The following EYS variants were observed in gnomAD, a reference collection of about 807,000 sequenced individuals.
The protein encoded by EYS is protein eyes shut homolog.
In EYS, 250 loss-of-function variants were observed where a neutral mutation model predicts 282.1. The ratio of observed to expected loss-of-function variants is 0.89; its 90% CI spans 0.80 to 0.98. EYS has a LOEUF of 0.98. Among genes scored for constraint, EYS ranks in the 50% least tolerant of loss-of-function variants. The pLI is 0.00. For missense variants in EYS, 4,016 were observed against 3,709.0 expected (o/e 1.08, Z -2.15); for synonymous variants, 1,355 against 1,282.9 (o/e 1.06, Z -1.20).
At position 63,975,563 on chromosome 6, in the gene EYS, G is replaced by A. The variant is rs114191081; in HGVS notation, c.7055+8820C>T. On this transcript the variant is annotated intron_variant, in intron 35 of 42. Transcript: ENST00000503581. ...CTTTTCTTCTTTTCTAATAGCATGT[G>A]TATATTTGCATAAGTACTTTTTTGC... 2.7e-3 allele frequency among the ~76,000 whole-genome samples: 416 copies of A among 152,104 alleles called. 2 individuals are homozygous for A. The highest frequency in any genetic ancestry group is 9.5e-3 in the African/African-American group (393 of 41,556).
intron 12 of EYS, among the ~76,000 whole-genome samples, chr6:65,137,292 T>C (rs183103334): frequency 2.0e-4 from 30 of 152,170 alleles, no homozygotes; most frequent in African/African-American, 6.7e-4. Flanking sequence ...ATTAGCAGGA[T>C]CAGAGAAGAA....
chr6:65,684,659 T>C (rs771451563), intron 1 of EYS, among the ~76,000 whole-genome samples: 1 of 151,956 alleles, frequency 6.6e-6, no homozygotes, highest in African/African-American at 2.4e-5. Context: ...CATGGTAAGG[T>C]GAGGAGAGAA....
intron 36 of EYS, among the ~76,000 whole-genome samples, chr6:63,809,694 A>T (rs937127219): frequency 5.3e-5 from 8 of 152,190 alleles, no homozygotes; most frequent in Non-Finnish European, 1.2e-4. Flanking sequence ...TCGGGGCATT[A>T]AAAATTCTAA....
intron 30 of EYS, among the ~76,000 whole-genome samples, chr6:64,306,534 G>A (rs1029504817): frequency 6.6e-5 from 10 of 152,158 alleles, no homozygotes; most frequent in Non-Finnish European, 1.3e-4. Context: ...TCTGTATCCA[G>A]AAGCAGAGTC....
At chr6:65,166,172 A>G (rs559008569) in intron 12 of EYS, among the ~76,000 whole-genome samples, 22 of 151,222 alleles carry the variant, frequency 1.5e-4, no homozygotes, top group Middle Eastern at 3.4e-3. Context: ...AAATTATTCT[A>G]TAGTCTCAAA....
chr6:64,592,155 T>C (rs549435712), intron 25 of EYS, among the ~76,000 whole-genome samples, 166 bp from the exon 26 acceptor site: 13 of 152,302 alleles, frequency 8.5e-5, no homozygotes, highest in African/African-American at 3.1e-4. Flanking sequence ...ATGAGGAGTT[T>C]AATGATTTCA....
chr6:64,542,021 T>C (rs1399183749), intron 26 of EYS, among the ~76,000 whole-genome samples: 1 of 152,172 alleles, frequency 6.6e-6, no homozygotes, highest in Admixed American at 6.5e-5. Context: ...CATTACTTTT[T>C]TATCTGTATG....
chr6:64,123,026 A>G (rs1179633561), intron 31 of EYS, among the ~76,000 whole-genome samples: 1 of 152,172 alleles, frequency 6.6e-6, no homozygotes, highest in African/African-American at 2.4e-5. Flanking sequence ...ATTGTTTTAA[A>G]GAATTTACAG....
intron 31 of EYS, among the ~76,000 whole-genome samples, chr6:64,176,460 C>T (rs1341977342): frequency 6.6e-6 from 1 of 151,814 alleles, no homozygotes; most frequent in African/African-American, 2.4e-5. Flanking sequence ...GATATCAAGA[C>T]ACCATTTGCA....
rs76466400 is a variant in EYS at position 63,857,988 on chromosome 6, G to A, written c.7228+6198C>T. On this transcript the variant is annotated intron_variant, in intron 36 of 42. Coordinates refer to ENST00000503581, the MANE Select transcript of EYS (RefSeq NM_001142800.2). ...AAATGTTCACCTAAATTTAACGTGA[G>A]GGGGAGTAAAAGTAGCCTTGAGGCC... Among the ~76,000 whole-genome samples, 697 of 152,180 alleles carry A rather than the reference G, an allele frequency of 4.6e-3. 5 individuals are homozygous for A. The highest frequency in any genetic ancestry group is 0.016 in the African/African-American group (669 of 41,524).
chr6:64,541,255 C>A (rs921567119), intron 26 of EYS, among the ~76,000 whole-genome samples: 1 of 152,142 alleles, frequency 6.6e-6, no homozygotes, highest in African/African-American at 2.4e-5. Context: ...TTATAGTTTT[C>A]ATGGCACCTG....
At chr6:64,085,340 G>GCACACACACACACACACACACACACA (rs71551560) in intron 31 of EYS, among the ~76,000 whole-genome samples, 38 of 139,874 alleles carry the variant, frequency 2.7e-4, no homozygotes, top group African/African-American at 9.8e-4. Flanking sequence ...ACGTGCGCGC[G>GCACACACACACACACACACACACACA]CACACACACA....
chr6:63,836,263 A>T (rs1452136813), intron 36 of EYS, among the ~76,000 whole-genome samples: 1 of 152,074 alleles, frequency 6.6e-6, no homozygotes, highest in Non-Finnish European at 1.5e-5. Context: ...GAAGCCAATT[A>T]CAAATGGCTA....
rs569143167 is a variant in EYS at position 63,874,538 on chromosome 6, C to T, written c.7056-10180G>A. ...TTTTTTCCAATTCTGTGAAGAAAGT[C>T]ATTGGTAGTTTGATGGGGATGTCAT... is the stretch of plus-strand genomic sequence containing the variant. On this transcript the variant is annotated intron_variant, in intron 35 of 42. Transcript: ENST00000503581. 6.6e-5 allele frequency among the ~76,000 whole-genome samples: 10 copies of T among 152,166 alleles called. No individual in the cohort carries two copies. The South Asian group carries it at 1.5e-3, about 22-fold the overall frequency.
rs909436235 is a variant in EYS, at chr6:64,457,909, C to T, written c.5645-18557G>A. ...CAGTTTTCTAGCTTTTCTATAAATC[C>T]TTTCTTGTTGCTTTTTATTTTGTTT... On this transcript the variant is annotated intron_variant, in intron 26 of 42. Coordinates refer to ENST00000503581, the MANE Select transcript of EYS (RefSeq NM_001142800.2). 4.0e-5 allele frequency among the ~76,000 whole-genome samples: 6 copies of T among 151,592 alleles called. No individual in the cohort carries two copies. In the East Asian group the frequency reaches 1.2e-3, roughly 29 times the overall value.
intron 12 of EYS, among the ~76,000 whole-genome samples, chr6:65,178,209 C>G (rs1445900510): frequency 6.6e-6 from 1 of 151,926 alleles, no homozygotes; most frequent in Non-Finnish European, 1.5e-5. Context: ...AAATTTCCCT[C>G]TAGCTCCTGC....
At chr6:64,116,876 A>C (rs1199770242) in intron 31 of EYS, among the ~76,000 whole-genome samples, 1 of 152,166 alleles carries the variant, frequency 6.6e-6, no homozygotes. Flanking sequence ...AAGATATGCC[A>C]GTTGTAAATA....
At chr6:65,542,425 A>G (rs1768200691) in intron 2 of EYS, among the ~76,000 whole-genome samples, 1 of 151,862 alleles carries the variant, frequency 6.6e-6, no homozygotes, top group Non-Finnish European at 1.5e-5. Flanking sequence ...ATAGTATTTC[A>G]TATGGAGATT....
chr6:63,858,946 T>C (rs1772462134), intron 36 of EYS, among the ~76,000 whole-genome samples: 1 of 152,142 alleles, frequency 6.6e-6, no homozygotes, highest in African/African-American at 2.4e-5. Flanking sequence ...ATTATTCGTG[T>C]CCCTGGAGCT....
Sources: allele counts gnomAD v4.1 joint callset (sites outside exome capture counted in the v4.1 genomes callset), GRCh38; gene constraint gnomAD v4.1.1; transcripts MANE v1.5; gene names NCBI Gene and HGNC (gene_info 2026-07-23, HGNC 2026-07-21).